The following DPYD variants were observed in gnomAD, a reference collection of about 807,000 sequenced individuals.
DPYD encodes dihydropyrimidine dehydrogenase, also known as dihydropyrimidine dehydrogenase [NADP(+)].
In DPYD, 109 loss-of-function variants were observed where a neutral mutation model predicts 116.2. The ratio of observed to expected loss-of-function variants is 0.94; its 90% CI spans 0.80 to 1.10. The LOEUF is 1.10. DPYD is among the 50% of genes least tolerant of loss of function. The probability of loss-of-function intolerance (pLI) is 0.00; values close to 1 mark genes in which losing one functional copy is unlikely to be tolerated. For synonymous variants in DPYD, 440 were observed against 432.0 expected, an observed-to-expected ratio of 1.02 and a Z score of -0.23; for missense variants, 1,302 against 1,254.5, an observed-to-expected ratio of 1.04 and a Z score of -0.57.
chr1:97,657,343 A>C (rs1658984697), intron 8 of DPYD, among the ~76,000 whole-genome samples: 1 of 152,126 alleles, frequency 6.6e-6, no homozygotes, highest in Non-Finnish European at 1.5e-5. Flanking sequence ...ATGAGTTATG[A>C]CTTTCTGTAG....
chr1:97,788,812 G>T (rs528144435), intron 3 of DPYD, among the ~76,000 whole-genome samples: 14 of 152,176 alleles, frequency 9.2e-5, no homozygotes, highest in Admixed American at 2.0e-4. Flanking sequence ...TCTTATTGTT[G>T]TTGTTGTTGT....
chr1:97,737,705 T>C (rs1460573796), intron 4 of DPYD, among the ~76,000 whole-genome samples: 1 of 152,130 alleles, frequency 6.6e-6, no homozygotes, highest in Admixed American at 6.6e-5. Flanking sequence ...AGCTGTAATA[T>C]GTGTGTGTGT....
chr1:97,444,153 T>C (rs1198493275), intron 14 of DPYD, among the ~76,000 whole-genome samples: 1 of 152,232 alleles, frequency 6.6e-6, no homozygotes, highest in African/African-American at 2.4e-5. Flanking sequence ...GCTGATAACA[T>C]ATCTTCTTTC....
chr1:97,300,954 A>C (rs1327262337), intron 18 of DPYD, among the ~76,000 whole-genome samples: 1 of 152,020 alleles, frequency 6.6e-6, no homozygotes, highest in Non-Finnish European at 1.5e-5. Flanking sequence ...TTACTAGCTA[A>C]ATTTCTAACT....
intron 17 of DPYD, 143 bp from the exon 18 acceptor site, chr1:97,305,521 C>A: frequency 9.0e-7 from 1 of 1,113,160 alleles, no homozygotes; most frequent in Non-Finnish European, 1.3e-6. Context: ...ACTAATTTAA[C>A]TCCTACATTT....
At chr1:97,703,451 T>G (rs923098724) in intron 5 of DPYD, among the ~76,000 whole-genome samples, 1 of 151,982 alleles carries the variant, frequency 6.6e-6, no homozygotes, top group Admixed American at 6.6e-5. Flanking sequence ...GCTAATTATA[T>G]GTGGAAAGTG....
intron 14 of DPYD, among the ~76,000 whole-genome samples, chr1:97,429,767 C>G (rs1675070240): frequency 6.6e-6 from 1 of 152,052 alleles, no homozygotes; most frequent in Non-Finnish European, 1.5e-5. Context: ...GATACCCTGA[C>G]TAATCAATAT....
chr1:97,166,660 G>A (rs1238546407), intron 20 of DPYD, among the ~76,000 whole-genome samples: 1 of 152,154 alleles, frequency 6.6e-6, no homozygotes, highest in Non-Finnish European at 1.5e-5. Flanking sequence ...ATTTCCTTAA[G>A]ACAACTAATG....
At chr1:97,304,743 C>G (rs1028209643) in intron 18 of DPYD, among the ~76,000 whole-genome samples, 1 of 151,922 alleles carries the variant, frequency 6.6e-6, no homozygotes, top group African/African-American at 2.4e-5. Context: ...TTTTCAAATT[C>G]AAGCGTATGC....
At chr1:97,621,179 A>C (rs1226905670) in intron 8 of DPYD, among the ~76,000 whole-genome samples, 1 of 152,172 alleles carries the variant, frequency 6.6e-6, no homozygotes. Flanking sequence ...TCAGTAGTAC[A>C]GAAACATGCT....
intron 12 of DPYD, among the ~76,000 whole-genome samples, chr1:97,529,677 TC>T (rs1649425895): frequency 2.7e-5 from 4 of 148,598 alleles, no homozygotes; most frequent in Non-Finnish European, 6.0e-5. Flanking sequence ...TTTCTCTTTC[TC>T]TTTTCTTTTC....
chr1:97,223,986 G>A (rs1660947965), intron 19 of DPYD, among the ~76,000 whole-genome samples: 1 of 151,952 alleles, frequency 6.6e-6, no homozygotes, highest in African/African-American at 2.4e-5. Flanking sequence ...AATAATTTGA[G>A]AATATAATTT....
At chr1:97,417,123 A>G (rs1254011230) in intron 14 of DPYD, among the ~76,000 whole-genome samples, 1 of 152,198 alleles carries the variant, frequency 6.6e-6, no homozygotes, top group African/African-American at 2.4e-5. Context: ...CTAGTAAAAG[A>G]GCATGGGCTT....
chr1:97,798,418 T>C (rs181223823), intron 3 of DPYD, among the ~76,000 whole-genome samples: 3 of 152,148 alleles, frequency 2.0e-5, no homozygotes, highest in East Asian at 1.9e-4. Context: ...GTTTCTGCTA[T>C]TATGAATTTA....
intron 18 of DPYD, among the ~76,000 whole-genome samples, chr1:97,261,781 C>G (rs1461005058): frequency 1.3e-5 from 2 of 151,904 alleles, no homozygotes. Flanking sequence ...TTGGCATTAT[C>G]TTCAGTTCAC....
chr1:97,298,889 C>A (rs556339663), intron 18 of DPYD, among the ~76,000 whole-genome samples: 1 of 152,240 alleles, frequency 6.6e-6, no homozygotes, highest in African/African-American at 2.4e-5. Flanking sequence ...TTATCATTAG[C>A]AGTTAGCCTA....
chr1:97,844,540 G>T (rs1242588399), intron 2 of DPYD, among the ~76,000 whole-genome samples: 1 of 152,162 alleles, frequency 6.6e-6, no homozygotes, highest in Non-Finnish European at 1.5e-5. Context: ...CAGAGCTTTG[G>T]GTCAGTGAAC....
chr1:97,583,650 C>CTT (rs375866957), intron 10 of DPYD, among the ~76,000 whole-genome samples: 100 of 132,518 alleles, frequency 7.5e-4, no homozygotes, highest in Admixed American at 1.1e-3. Context: ...CTCGTATTTC[C>CTT]TTTTTTTTTT....
At chr1:97,557,053 T>C (rs1651782727) in intron 11 of DPYD, among the ~76,000 whole-genome samples, 1 of 151,868 alleles carries the variant, frequency 6.6e-6, no homozygotes, top group African/African-American at 2.4e-5. Flanking sequence ...CCATTCTAAC[T>C]GGTGTGAGGT....
Sources: allele counts gnomAD v4.1 joint callset (sites outside exome capture counted in the v4.1 genomes callset), GRCh38; gene constraint gnomAD v4.1.1; transcripts MANE v1.5; gene names NCBI Gene and HGNC (gene_info 2026-07-23, HGNC 2026-07-21).